Variants in SMCO2 observed in about 807,000 individuals in gnomAD.
SMCO2 encodes the protein single-pass membrane protein with coiled-coil domains 2.
In SMCO2, 25 loss-of-function variants were observed where a neutral mutation model predicts 29.5. The ratio of observed to expected loss-of-function variants is 0.85; its 90% CI spans 0.62 to 1.18. The LOEUF (loss-of-function observed/expected upper bound fraction) is 1.18. SMCO2 is among the 50% of genes most tolerant of loss of function. SMCO2 has a pLI of 0.00. For missense variants in SMCO2, 348 were observed against 344.5 expected, an observed-to-expected ratio of 1.01 and a Z score of -0.08; for synonymous variants, 117 against 123.3, an observed-to-expected ratio of 0.95 and a Z score of 0.34.
In SMCO2 at chr12:27,477,634, C is replaced by CTTT. The variant is rs3051833; in HGVS notation, c.362+2735_362+2737dup. On this transcript the variant is annotated intron_variant, in intron 4 of 7. Transcript: ENST00000298876. ...AGGGCTTTCTTCATTCTTTTTCATT[C>CTTT]TTTTTTTTTTTTTTTTGGCTGATTG... Among the ~76,000 whole-genome samples the CTTT allele has an allele frequency of 2.0e-3, 215 of 109,648 alleles. 2 individuals carry two copies. The highest frequency in any genetic ancestry group is 6.4e-3 in the African/African-American group (168 of 26,276). The allele number at this position is 109,648 out of a possible 152,430, so 71.9% of individuals were successfully genotyped here.
At chr12:27,495,701 C>A in exon 7 of SMCO2, 3 of 1,485,522 alleles carry the variant, frequency 2.0e-6, no homozygotes, top group South Asian at 1.3e-5. Context: ...GAATGTGGAA[C>A]TGCTGAGTGC....
chr12:27,426,080 T>C, the SMCO2 span, among the ~76,000 whole-genome samples: 2 of 152,290 alleles, frequency 1.3e-5, 1 homozygote, highest in East Asian at 3.9e-4. Context: ...TGTTGGAATC[T>C]GGGGATCTCC....
chr12:27,447,232 A>G, the SMCO2 span, among the ~76,000 whole-genome samples: 1 of 152,010 alleles, frequency 6.6e-6, no homozygotes, highest in Non-Finnish European at 1.5e-5. Flanking sequence ...TTCTTGAGCT[A>G]CCTCACCACC....
At chr12:27,456,000 G>A in the SMCO2 span, among the ~76,000 whole-genome samples, 1 of 152,350 alleles carries the variant, frequency 6.6e-6, no homozygotes, top group East Asian at 1.9e-4. Context: ...CCAAAATCCT[G>A]AGGTTGGGAG....
At chr12:27,429,375 A>G in the SMCO2 span, among the ~76,000 whole-genome samples, 1 of 151,886 alleles carries the variant, frequency 6.6e-6, no homozygotes, top group Non-Finnish European at 1.5e-5. Context: ...TGACTTTTTT[A>G]AAGTTAGAAT....
chr12:27,437,129 G>C, the SMCO2 span, among the ~76,000 whole-genome samples: 1 of 152,128 alleles, frequency 6.6e-6, no homozygotes, highest in African/African-American at 2.4e-5. Context: ...AGTGGGGCTG[G>C]GTGCATTATC....
At chr12:27,433,996 C>A in the SMCO2 span, among the ~76,000 whole-genome samples, 1 of 152,214 alleles carries the variant, frequency 6.6e-6, no homozygotes, top group South Asian at 2.1e-4. Flanking sequence ...ACTCCCACCT[C>A]CCTGTGCAAA....
At chr12:27,474,258 T>C (rs1363196020) in intron 3 of SMCO2, among the ~76,000 whole-genome samples, 1 of 152,174 alleles carries the variant, frequency 6.6e-6, no homozygotes, top group African/African-American at 2.4e-5. Flanking sequence ...AAAATACTGT[T>C]ATCACATCTG....
chr12:27,484,455 GA>G (rs1445639034), intron 4 of SMCO2, among the ~76,000 whole-genome samples: 1 of 151,984 alleles, frequency 6.6e-6, no homozygotes. Context: ...TTTTATGTCT[GA>G]AAAAAAGCAT....
chr12:27,477,463 A>T (rs193214096), intron 4 of SMCO2, among the ~76,000 whole-genome samples: 2 of 151,702 alleles, frequency 1.3e-5, no homozygotes, highest in African/African-American at 4.8e-5. Context: ...TGTTTTCTGT[A>T]TTTGAATGTC....
the SMCO2 span, among the ~76,000 whole-genome samples, chr12:27,432,920 A>G: frequency 6.6e-6 from 1 of 152,232 alleles, no homozygotes; most frequent in African/African-American, 2.4e-5. Context: ...TGATTTGTCC[A>G]CAGAACCATT....
At chr12:27,471,302 G>A (rs188952811) in intron 2 of SMCO2, among the ~76,000 whole-genome samples, 2 of 152,220 alleles carry the variant, frequency 1.3e-5, no homozygotes, top group Non-Finnish European at 1.5e-5. Flanking sequence ...AGTAGCATAC[G>A]CATTTGTAAA....
chr12:27,501,680 C>T (rs1269075258), intron 7 of SMCO2, among the ~76,000 whole-genome samples: 1 of 150,164 alleles, frequency 6.7e-6, no homozygotes, highest in Non-Finnish European at 1.5e-5. Flanking sequence ...AGGAAAGAAC[C>T]CCACACTATC....
At chr12:27,423,501 T>C in the SMCO2 span, 1 of 152,184 alleles carries the variant, frequency 6.6e-6, no homozygotes, top group African/African-American at 2.4e-5. Context: ...TAATTTTGCT[T>C]TGTATTTTCA....
the SMCO2 span, among the ~76,000 whole-genome samples, chr12:27,431,018 A>G: frequency 6.6e-6 from 1 of 150,934 alleles, no homozygotes; most frequent in Non-Finnish European, 1.5e-5. Context: ...AACACATGAA[A>G]TTTACTATCT....
upstream of SMCO2, among the ~76,000 whole-genome samples, chr12:27,462,238 G>A (rs907672852): frequency 3.9e-5 from 6 of 152,110 alleles, no homozygotes; most frequent in African/African-American, 1.4e-4. Flanking sequence ...TTCCAGCTCT[G>A]ACATCACTCT....
chr12:27,435,149 A>C, the SMCO2 span, among the ~76,000 whole-genome samples: 3 of 151,716 alleles, frequency 2.0e-5, no homozygotes, highest in Non-Finnish European at 4.4e-5. Flanking sequence ...GGGTTTCTCT[A>C]CCTTGGCACT....
intron 1 of SMCO2, among the ~76,000 whole-genome samples, chr12:27,470,145 T>C (rs1224472813): frequency 6.6e-6 from 1 of 152,194 alleles, no homozygotes; most frequent in East Asian, 1.9e-4. Context: ...ACACCAAATC[T>C]AGAAGCAGAA....
At chr12:27,438,707 T>C in the SMCO2 span, among the ~76,000 whole-genome samples, 1 of 152,118 alleles carries the variant, frequency 6.6e-6, no homozygotes, top group Non-Finnish European at 1.5e-5. Flanking sequence ...TACAGGAGAT[T>C]GGAGTTTCCA....
Sources: allele counts gnomAD v4.1 joint callset (sites outside exome capture counted in the v4.1 genomes callset), GRCh38; gene constraint gnomAD v4.1.1; transcripts MANE v1.5; gene names NCBI Gene and HGNC (gene_info 2026-07-23, HGNC 2026-07-21).